Variants in KLKB1 observed in about 807,000 individuals in gnomAD.
KLKB1 encodes the protein kallikrein B1, also known as plasma kallikrein.
KLKB1 carries 58 observed loss-of-function variants against 73.6 expected under a neutral mutation model. The observed-to-expected ratio is 0.79, with a 90% CI of 0.64 to 0.98. The LOEUF is 0.98. Among genes scored for constraint, KLKB1 ranks in the 50% least tolerant of loss-of-function variants. The pLI is 0.00. For missense variants in KLKB1, 737 were observed against 763.8 expected (o/e 0.96, Z 0.41); for synonymous variants, 280 against 258.1 (o/e 1.08, Z -0.81).
chr4:186,252,732 AACC>A (rs1475059057), intron 11 of KLKB1, among the ~76,000 whole-genome samples: 1 of 62,464 alleles, frequency 1.6e-5, no homozygotes, highest in Admixed American at 1.6e-4. Context: ...TCCCGCCACC[AACC>A]ACCAATCCCA....
chr4:186,246,411 A>T (rs1738353851), intron 6 of KLKB1, among the ~76,000 whole-genome samples: 1 of 152,202 alleles, frequency 6.6e-6, no homozygotes, highest in Non-Finnish European at 1.5e-5. Flanking sequence ...AATGTGTAAA[A>T]GAATGCCTGG....
At chr4:186,239,898 A>T (rs1737923973) in intron 6 of KLKB1, among the ~76,000 whole-genome samples, 2 of 147,458 alleles carry the variant, frequency 1.4e-5, no homozygotes, top group South Asian at 2.1e-4. Flanking sequence ...TAGTACGGTG[A>T]TACTGTTATA....
intron 2 of KLKB1, chr4:186,212,615 G>A (rs1736762213): frequency 6.6e-6 from 1 of 152,162 alleles, no homozygotes; most frequent in South Asian, 2.1e-4. Context: ...TGCCTCACAG[G>A]GTTGGTCAAT....
At chr4:186,237,127 C>A (rs188985265) in intron 5 of KLKB1, among the ~76,000 whole-genome samples, 187 bp downstream of exon 5, 1 of 152,126 alleles carries the variant, frequency 6.6e-6, no homozygotes, top group East Asian at 1.9e-4. Context: ...GAGATGGAGT[C>A]GCGCTCTGTC....
chr4:186,231,067 G>C (rs1250602120), intron 2 of KLKB1, among the ~76,000 whole-genome samples: 1 of 152,166 alleles, frequency 6.6e-6, no homozygotes, highest in Non-Finnish European at 1.5e-5. Context: ...ATGGGGCTCA[G>C]GGCCAAATCC....
At chr4:186,254,895 G>T in intron 12 of KLKB1, 132 bp downstream of exon 12, 1 of 763,270 alleles carries the variant, frequency 1.3e-6, no homozygotes, top group African/African-American at 1.8e-5. Context: ...GAAACGTGAG[G>T]GTTGCTGGGA....
rs764590390 is a variant in KLKB1 at position 186,254,552 on chromosome 4, C to A, written c.1314-36C>A. ...AGGAACACTATTGAAGGAAGGACTG[C>A]CCAGTTTCAAACAGGTATTTATTTT... is the stretch of plus-strand genomic sequence containing the variant. On this transcript the variant is annotated intron_variant, in intron 11 of 14. Coordinates refer to ENST00000264690, the MANE Select transcript of KLKB1 (RefSeq NM_000892.5). The A allele has an allele frequency of 2.1e-5, 33 of 1,560,162 alleles. No homozygotes were observed. In the Admixed American group the frequency reaches 4.7e-4, roughly 22 times the overall value.
intron 4 of KLKB1, among the ~76,000 whole-genome samples, chr4:186,235,014 T>C (rs1329657861): frequency 6.6e-6 from 1 of 152,224 alleles, no homozygotes; most frequent in Non-Finnish European, 1.5e-5. Context: ...TCCTCCCTCA[T>C]TGATATCACC....
rs1003370079 is a variant in KLKB1, at chr4:186,254,427, G to A, written c.1314-161G>A. On this transcript the variant is annotated intron_variant, in intron 11 of 14. Transcript: ENST00000264690. ...GAATCTTCAGAGATTCACTACTGCC[G>A]CTATTGGTGATGAAAAATTACCAGA... Among the ~76,000 whole-genome samples the A allele has an allele frequency of 2.6e-5, 4 of 152,106 alleles. No individual in the cohort carries two copies. In the East Asian group the frequency reaches 5.8e-4, roughly 22 times the overall value.
At chr4:186,235,292 G>A (rs921675193) in intron 4 of KLKB1, among the ~76,000 whole-genome samples, 9 of 152,060 alleles carry the variant, frequency 5.9e-5, no homozygotes, top group African/African-American at 1.9e-4. Context: ...CAATATTCCT[G>A]TTATTGTTCA....
intron 6 of KLKB1, among the ~76,000 whole-genome samples, chr4:186,246,020 T>C (rs1191450772): frequency 6.6e-6 from 1 of 151,556 alleles, no homozygotes. Context: ...GTCGGATAAA[T>C]AAAAAGGAAC....
At chr4:186,227,052 G>A (rs529677609), upstream of KLKB1, among the ~76,000 whole-genome samples, 1 of 152,248 alleles carries the variant, frequency 6.6e-6, no homozygotes, top group South Asian at 2.1e-4. Flanking sequence ...GAGTGGGCTT[G>A]GTGCTTGGGA....
At chr4:186,222,473 T>G (rs973670631), upstream of KLKB1, among the ~76,000 whole-genome samples, 21 of 152,352 alleles carry the variant, frequency 1.4e-4, no homozygotes, top group African/African-American at 4.6e-4. Context: ...ACATAAAATA[T>G]TTCATAGTTA....
chr4:186,233,851 C>T (rs1737526994), intron 3 of KLKB1, 101 bp from the exon 4 acceptor site: 2 of 832,328 alleles, frequency 2.4e-6, no homozygotes, highest in South Asian at 2.8e-5. Context: ...ATATTATTTT[C>T]CTTATTCCTG....
intron 2 of KLKB1, among the ~76,000 whole-genome samples, chr4:186,218,649 TGTGC>T (rs772089297): frequency 8.3e-4 from 119 of 142,800 alleles, no homozygotes; most frequent in East Asian, 2.8e-3. Context: ...TGTGTGTGTG[TGTGC>T]GCATGTGTGT....
chr4:186,251,388 C>A, intron 8 of KLKB1, 60 bp downstream of exon 8: 1 of 1,499,254 alleles, frequency 6.7e-7, no homozygotes, highest in Non-Finnish European at 9.3e-7. Context: ...CTTTTAACAG[C>A]AACAGTGATG....
At chr4:186,255,271 A>T (rs1738937790) in intron 12 of KLKB1, among the ~76,000 whole-genome samples, 1 of 152,132 alleles carries the variant, frequency 6.6e-6, no homozygotes, top group South Asian at 2.1e-4. Context: ...GTATCCAATA[A>T]CATTCATGGT....
chr4:186,223,560 C>T (rs1303916835), upstream of KLKB1, among the ~76,000 whole-genome samples: 1 of 152,164 alleles, frequency 6.6e-6, no homozygotes, highest in Non-Finnish European at 1.5e-5. Flanking sequence ...ATCTGTGGAG[C>T]TTTGAACTTG....
rs746865371 is a variant in KLKB1 at position 186,252,196 on chromosome 4, G to T, written c.1313+11G>T. The T allele has an allele frequency of 2.0e-5, 32 of 1,612,948 alleles. No homozygotes were observed. Among genetic ancestry groups the T allele is most frequent in the Admixed American group, 1.0e-4 (6 of 60,008 alleles). ...CCACTGCTTTGATGGGTAAGTGTTG[G>T]ATGCATCTCATCCAGAGTCTTATCT... On this transcript the variant is annotated intron_variant, in intron 11 of 14. Transcript: ENST00000264690.
Sources: gnomAD v4.1 joint callset for allele counts (sites outside exome capture counted in the v4.1 genomes callset) on GRCh38, gnomAD v4.1.1 for gene constraint, MANE v1.5 for transcripts, NCBI Gene and HGNC (gene_info 2026-07-23, HGNC 2026-07-21) for gene names.